Variants in XPO5 observed in about 807,000 individuals in gnomAD.
XPO5 encodes the protein exportin 5.
A neutral mutation model predicts 160.6 loss-of-function variants in XPO5; 46 were observed. The ratio of observed to expected loss-of-function variants is 0.29; its 90% CI spans 0.23 to 0.37. XPO5 has a LOEUF of 0.37. XPO5 is among the 10% of genes least tolerant of loss of function. XPO5 has a pLI of 1.00. For missense variants in XPO5, 1,090 were observed against 1,463.9 expected (o/e 0.74, Z 4.17); for synonymous variants, 537 against 519.3 (o/e 1.03, Z -0.46).
At chr6:43,556,819 T>G (rs901090446) in intron 12 of XPO5, among the ~76,000 whole-genome samples, 1 of 152,036 alleles carries the variant, frequency 6.6e-6, no homozygotes, top group Non-Finnish European at 1.5e-5. Flanking sequence ...ATCCATACAA[T>G]GAAATATTAG....
intron 13 of XPO5, among the ~76,000 whole-genome samples, chr6:43,554,608 G>C (rs1325614268): frequency 6.6e-6 from 1 of 151,754 alleles, no homozygotes; most frequent in Non-Finnish European, 1.5e-5. Flanking sequence ...GTTTTTAGTA[G>C]AGACAGGGTT....
chr6:43,572,669 T>A, intron 2 of XPO5, 91 bp from the exon 3 acceptor site: 1 of 1,295,474 alleles, frequency 7.7e-7, no homozygotes, highest in Non-Finnish European at 1.1e-6. Flanking sequence ...TTGATTACAC[T>A]GGAGATTTCA....
rs1235681696 is a variant in XPO5, at chr6:43,551,361, A to G, written c.1665T>C (p.Asn555=). 25 of 1,613,908 alleles carry G rather than the reference A, an allele frequency of 1.5e-5. No homozygotes were observed. The highest frequency in any genetic ancestry group is 1.6e-5 in the Non-Finnish European group (19 of 1,179,896). ...DPLILSCVLT[N]VSALFPFVTY... is the part of the protein sequence containing the mutation. ...TGACAAATGGAAAGAGTGCAGAGAC[A>G]TTAGTAAGGACGCAGGACAGGATGA... Residue 555 remains asparagine, a synonymous_variant, in exon 15 of 32, where the codon AAT becomes AAC. Coordinates refer to ENST00000265351, the MANE Select transcript of XPO5 (RefSeq NM_020750.3).
chr6:43,524,444 G>A (rs775193206), intron 31 of XPO5, 27 bp downstream of exon 31: 35 of 1,606,528 alleles, frequency 2.2e-5, no homozygotes, highest in Admixed American at 8.4e-5. Context: ...AGGGGGTTGG[G>A]AGCACTATTG....
rs1216675095 is a variant in XPO5 at position 43,530,973 on chromosome 6, C to T, written c.2541-149G>A. ...TACTTAAGAGAACTTATAGATACAG[C>T]ATCTTTTTAAAGACAGATGTTGGTG... On this transcript the variant is annotated intron_variant, in intron 22 of 31. Transcript: ENST00000265351. The T allele has an allele frequency of 1.8e-4, 185 of 1,054,372 alleles. 2 individuals are homozygous for T. The highest frequency in any genetic ancestry group is 2.2e-4 in the Non-Finnish European group (167 of 757,802). 65.3% of individuals were successfully genotyped at this position (1,054,372 alleles called of 1,614,324 possible).
chr6:43,539,452 G>A (rs1794559512), intron 20 of XPO5: 1 of 1,573,644 alleles, frequency 6.4e-7, no homozygotes, highest in Admixed American at 1.7e-5. Flanking sequence ...TGGGCAGGGA[G>A]AAGAGATAGA....
rs1263549008 is a variant in XPO5, at chr6:43,570,943, G to A, written c.352C>T (p.Arg118Ter). The A allele has an allele frequency of 1.2e-6, 2 of 1,613,680 alleles. No homozygotes were observed. Among genetic ancestry groups the A allele is most frequent in the Non-Finnish European group, 1.7e-6 (2 of 1,179,818 alleles). The stretch of plus-strand genomic sequence containing the variant: ...CGCTTGATCATTTCCACTACAATTC[G>A]AGACAGAGCATCTTTAATATGGTTC... Reference protein sequence around the residue: ...EENHIKDALSRIVVEMIKREW... With the variant: ...EENHIKDALS Residue 118 changes from arginine (R) to a stop codon, truncating the protein, a stop_gained, in exon 4 of 32, where the codon CGA becomes TGA. Transcript: ENST00000265351. LOFTEE classifies it high-confidence loss of function.
intron 27 of XPO5, 51 bp downstream of exon 27, chr6:43,526,634 A>G: frequency 1.9e-6 from 3 of 1,601,460 alleles, no homozygotes; most frequent in Non-Finnish European, 2.6e-6. Context: ...CAGAAGGAAC[A>G]GTATTTAGGA....
Position 43,525,941 on chromosome 6 carries a change from T to G in XPO5, c.2984-20A>C, listed in dbSNP as rs1304673596. ...CTTCATCTGTTATCAGAGAGTAGAA[T>G]GTTAAGCTCCATCCTTTCAGAACAG... On this transcript the variant is annotated intron_variant, in intron 27 of 31. Coordinates refer to ENST00000265351, the MANE Select transcript of XPO5 (RefSeq NM_020750.3). 1 of 1,613,024 alleles carries G rather than the reference T, an allele frequency of 6.2e-7. No homozygotes were observed. The highest frequency in any genetic ancestry group is 8.5e-7 in the Non-Finnish European group (1 of 1,179,136).
At chr6:43,542,942 G>A (rs560087012) in intron 20 of XPO5, among the ~76,000 whole-genome samples, 1 of 152,200 alleles carries the variant, frequency 6.6e-6, no homozygotes, top group Non-Finnish European at 1.5e-5. Flanking sequence ...AGCATGATAT[G>A]TAATATTAAA....
intron 8 of XPO5, among the ~76,000 whole-genome samples, chr6:43,565,033 C>CT (rs2127749342): frequency 6.6e-6 from 1 of 152,050 alleles, no homozygotes; most frequent in South Asian, 2.1e-4. Context: ...AGATACTCTC[C>CT]TGCCTCAGCC....
intron 20 of XPO5, among the ~76,000 whole-genome samples, chr6:43,535,861 G>T (rs1229541743): frequency 6.8e-6 from 1 of 147,282 alleles, no homozygotes; most frequent in Non-Finnish European, 1.5e-5. Flanking sequence ...AGTGGCTCAC[G>T]CCTGTAATCC....
At chr6:43,547,899 TAACAATTTAAGAATTAAACAAG>T (rs1795039033) in intron 18 of XPO5, among the ~76,000 whole-genome samples, 192 bp from the exon 19 acceptor site, 1 of 152,198 alleles carries the variant, frequency 6.6e-6, no homozygotes, top group South Asian at 2.1e-4. Context: ...ATATTATTAG[TAACAATTTAAGAATTAAACAAG>T]AATATAATCT....
At chr6:43,575,710 G>A in intron 1 of XPO5, 50 bp downstream of exon 1, 1 of 1,535,146 alleles carries the variant, frequency 6.5e-7, no homozygotes, top group Non-Finnish European at 8.9e-7. Context: ...GAGCTGCTGG[G>A]GCTGGGAGAG....
chr6:43,565,433 G>A (rs1762646230), intron 8 of XPO5, among the ~76,000 whole-genome samples: 1 of 151,742 alleles, frequency 6.6e-6, no homozygotes, highest in East Asian at 2.0e-4. Flanking sequence ...CAGGCATGGT[G>A]GTGCGCCTGT....
Position 43,524,918 on chromosome 6 carries a change from A to G in XPO5, c.3225T>C (p.Ser1075=), listed in dbSNP as rs201236750. ...CGTGCATCTGTAAGCCTTTCAGCAC[A>G]CTGGTGAAAAGCCACGTAACTGCAT... ...LADAVTWLFT[S]VLKGLQMHGQ... The change falls in exon 30 of 32, where the codon AGT becomes AGC. Residue 1075 remains serine (S), a synonymous_variant. Transcript: ENST00000265351. 44 of 1,613,974 alleles carry G rather than the reference A, an allele frequency of 2.7e-5. No homozygotes were observed. Among genetic ancestry groups the G allele is most frequent in the African/African-American group, 2.7e-5 (2 of 75,058 alleles).
At chr6:43,549,828 G>A in intron 16 of XPO5, 65 bp downstream of exon 16, 2 of 1,479,060 alleles carry the variant, frequency 1.4e-6, no homozygotes, top group South Asian at 2.4e-5. Context: ...TATAAACTGA[G>A]TATCAGGTAT....
At chr6:43,530,976 C>T (rs574666331) in intron 22 of XPO5, among the ~76,000 whole-genome samples, 152 bp from the exon 23 acceptor site, 1 of 152,282 alleles carries the variant, frequency 6.6e-6, no homozygotes, top group South Asian at 2.1e-4. Flanking sequence ...GATACAGCAT[C>T]TTTTTAAAGA....
chr6:43,534,554 G>A (rs1219735766), intron 20 of XPO5, among the ~76,000 whole-genome samples: 1 of 152,178 alleles, frequency 6.6e-6, no homozygotes, highest in African/African-American at 2.4e-5. Flanking sequence ...CAAGGACTGT[G>A]AACTTGATAT....
Sources: gnomAD v4.1 joint callset for allele counts (sites outside exome capture counted in the v4.1 genomes callset) on GRCh38, gnomAD v4.1.1 for gene constraint, MANE v1.5 for transcripts, NCBI Gene and HGNC (gene_info 2026-07-23, HGNC 2026-07-21) for gene names.